The following PHACTR1 variants were observed in gnomAD, a reference collection of about 807,000 sequenced individuals.
The protein encoded by PHACTR1 is RPEL repeat containing 1.
PHACTR1 carries 16 observed loss-of-function variants against 69.2 expected under a neutral mutation model. The ratio of observed to expected loss-of-function variants is 0.23; its 90% CI spans 0.16 to 0.35. The LOEUF (loss-of-function observed/expected upper bound fraction) is 0.35, where lower values mean the gene tolerates loss of function less well. PHACTR1 is among the 10% of genes least tolerant of loss of function. The pLI, the probability that PHACTR1 is intolerant of heterozygous loss-of-function variation, is 1.00. For synonymous variants in PHACTR1, 312 were observed against 284.5 expected, an observed-to-expected ratio of 1.10 and a Z score of -0.97; for missense variants, 510 against 734.7, an observed-to-expected ratio of 0.69 and a Z score of 3.54.
At chr6:13,168,026 C>A (rs1459594188) in intron 6 of PHACTR1, among the ~76,000 whole-genome samples, 1 of 152,336 alleles carries the variant, frequency 6.6e-6, no homozygotes, top group Middle Eastern at 3.4e-3. Flanking sequence ...ACTTCTAAAT[C>A]TTGACGTTTA....
rs186592281 is a variant in PHACTR1, at chr6:12,741,847, C to T, written c.104-7797C>T. Among the ~76,000 whole-genome samples the T allele has an allele frequency of 8.7e-4, 132 of 151,620 alleles. 1 individual carries two copies. The highest frequency in any genetic ancestry group is 3.1e-3 in the African/African-American group (130 of 41,390). On this transcript the variant is annotated intron_variant, in intron 3 of 14. Transcript: ENST00000332995. ...ATAGGTCAATTTGACAAGATTGATGCCTTGATAATATGTGTCTTTCAATCC... is the reference window on the plus strand; with the variant it reads ...ATAGGTCAATTTGACAAGATTGATGTCTTGATAATATGTGTCTTTCAATCC...
chr6:12,749,962 G>C (rs1035968583), intron 4 of PHACTR1, among the ~76,000 whole-genome samples, 172 bp downstream of exon 4: 9 of 152,292 alleles, frequency 5.9e-5, no homozygotes, highest in African/African-American at 2.2e-4. Flanking sequence ...GAGCTACGGG[G>C]TGGGGGAGGG....
In PHACTR1 at chr6:13,287,189, CT is replaced by C; in HGVS notation, c.*119del. 9.2e-5 allele frequency: 100 copies of C among 1,083,738 alleles called. No homozygotes were observed. Among genetic ancestry groups the C allele is most frequent in the South Asian group, 1.9e-4 (12 of 64,000 alleles). The allele number at this position is 1,083,738 out of a possible 1,614,324, so 67.1% of individuals were successfully genotyped here. A position where few individuals can be genotyped will look rare whatever the true frequency, so the allele number is the denominator to read the frequency against. ...TTACGATGTAAATCTTCTGAACTGC[CT>C]TTTTTTTAAAAAGAAGAAAAATCAA... On this transcript the variant is annotated 3_prime_UTR_variant, in exon 15 of 15. Transcript: ENST00000332995.
chr6:13,124,199 G>GAT, intron 5 of PHACTR1, among the ~76,000 whole-genome samples: 1 of 152,246 alleles, frequency 6.6e-6, no homozygotes, highest in African/African-American at 2.4e-5. Context: ...AGCTACCATT[G>GAT]GGACCTCTTG....
chr6:13,219,535 C>A (rs1029488779), intron 8 of PHACTR1, among the ~76,000 whole-genome samples: 1 of 152,146 alleles, frequency 6.6e-6, no homozygotes, highest in African/African-American at 2.4e-5. Context: ...AGCAGCGCTC[C>A]GTTGTGCAAG....
At chr6:13,280,858 C>G in intron 12 of PHACTR1, 3 of 870,610 alleles carry the variant, frequency 3.4e-6, no homozygotes, top group African/African-American at 1.7e-5. Flanking sequence ...CCAGATGCCC[C>G]GAAGGCTACA....
chr6:13,073,067 A>G (rs1227808050), intron 5 of PHACTR1, among the ~76,000 whole-genome samples: 2 of 152,144 alleles, frequency 1.3e-5, no homozygotes, highest in Non-Finnish European at 2.9e-5. Flanking sequence ...GCAAAGGACC[A>G]ATCCACCGTA....
At chr6:12,746,664 A>G (rs1322691285) in intron 3 of PHACTR1, among the ~76,000 whole-genome samples, 1 of 152,260 alleles carries the variant, frequency 6.6e-6, no homozygotes, top group Non-Finnish European at 1.5e-5. Context: ...AGTGCATTTA[A>G]ACTCCTTTGA....
At position 13,264,461 on chromosome 6, in the gene PHACTR1, G is replaced by A. The variant is rs374475481; in HGVS notation, c.1392-8399G>A. Among the ~76,000 whole-genome samples, 3 of 152,328 alleles carry A rather than the reference G, an allele frequency of 2.0e-5. No individual in the cohort carries two copies. In the East Asian group the frequency reaches 5.8e-4, roughly 29 times the overall value. ...GGGCTGGGTGTGGTGGCTCACACCT[G>A]TAATCCCAGCACTTTGGGAGGCTGA... On this transcript the variant is annotated intron_variant, in intron 10 of 14. Transcript: ENST00000332995.
At chr6:12,738,771 G>A (rs1021247226) in intron 3 of PHACTR1, among the ~76,000 whole-genome samples, 2 of 152,126 alleles carry the variant, frequency 1.3e-5, no homozygotes, top group Non-Finnish European at 2.9e-5. Flanking sequence ...GGCTGAGGCA[G>A]GAGAATCCCC....
At chr6:13,032,835 A>G (rs1802661342) in intron 4 of PHACTR1, among the ~76,000 whole-genome samples, 1 of 152,106 alleles carries the variant, frequency 6.6e-6, no homozygotes, top group South Asian at 2.1e-4. Context: ...TCTTGAACTC[A>G]CACAATCCAC....
intron 10 of PHACTR1, among the ~76,000 whole-genome samples, chr6:13,253,209 G>T (rs2127402658): frequency 6.6e-6 from 1 of 152,292 alleles, no homozygotes; most frequent in Middle Eastern, 3.4e-3. Context: ...CACATGAGCT[G>T]CACATGTTCT....
chr6:12,960,697 A>C (rs1562058896), intron 4 of PHACTR1, among the ~76,000 whole-genome samples: 1 of 152,146 alleles, frequency 6.6e-6, no homozygotes, highest in Non-Finnish European at 1.5e-5. Context: ...CAGCCATGCT[A>C]TAAGTTGTGA....
intron 6 of PHACTR1, among the ~76,000 whole-genome samples, chr6:13,166,904 A>G (rs1759889742): frequency 2.0e-5 from 3 of 150,066 alleles, no homozygotes; most frequent in African/African-American, 7.2e-5. Flanking sequence ...AATAATTCAC[A>G]TATGAATGGA....
intron 10 of PHACTR1, among the ~76,000 whole-genome samples, chr6:13,268,441 A>G (rs1434977882): frequency 2.0e-5 from 3 of 152,196 alleles, no homozygotes; most frequent in African/African-American, 7.2e-5. Context: ...AGATCTATGA[A>G]TATGTAACGT....
chr6:12,769,969 T>C (rs530310991), intron 4 of PHACTR1, among the ~76,000 whole-genome samples: 1 of 152,322 alleles, frequency 6.6e-6, no homozygotes, highest in East Asian at 1.9e-4. Context: ...GGGTAAATCA[T>C]TTAACTCAGG....
intron 4 of PHACTR1, among the ~76,000 whole-genome samples, chr6:12,862,055 CA>C (rs1780996156): frequency 6.6e-6 from 1 of 152,052 alleles, no homozygotes; most frequent in South Asian, 2.1e-4. Context: ...GAGGGATCTA[CA>C]GATAAATATT....
At chr6:13,221,022 G>T (rs1768526723) in intron 8 of PHACTR1, among the ~76,000 whole-genome samples, 1 of 152,200 alleles carries the variant, frequency 6.6e-6, no homozygotes, top group Admixed American at 6.5e-5. Flanking sequence ...GGCTATGGAT[G>T]TGCAGAGAAG....
intron 4 of PHACTR1, among the ~76,000 whole-genome samples, chr6:13,026,907 C>CA (rs940007629): frequency 1.3e-5 from 2 of 150,592 alleles, no homozygotes; most frequent in Non-Finnish European, 1.5e-5. Flanking sequence ...AGTCCCCTGT[C>CA]AAAAAAATAA....
Sources: gnomAD v4.1 joint callset for allele counts (sites outside exome capture counted in the v4.1 genomes callset) on GRCh38, gnomAD v4.1.1 for gene constraint, MANE v1.5 for transcripts, NCBI Gene and HGNC (gene_info 2026-07-23, HGNC 2026-07-21) for gene names.